C17orf67: variants seen among roughly 807,000 people sequenced by gnomAD.
The protein encoded by C17orf67 is uncharacterized protein C17orf67.
A neutral mutation model predicts 11.2 loss-of-function variants in C17orf67; 12 were observed. That is an observed-to-expected ratio of 1.07 (90% CI 0.68 to 1.73). The LOEUF is 1.73. C17orf67 is among the 40% of genes most tolerant of loss of function. The pLI is 0.00. For synonymous variants in C17orf67, 59 were observed against 46.9 expected (o/e 1.26, Z -1.05); for missense variants, 115 against 113.5 (o/e 1.01, Z -0.06).
chr17:56,796,598 C>G (rs893688467), intron 6 of C17orf67, among the ~76,000 whole-genome samples: 1 of 152,130 alleles, frequency 6.6e-6, no homozygotes, highest in Non-Finnish European at 1.5e-5. Flanking sequence ...CTCAGGAACC[C>G]GCTCCAGAAC....
intron 6 of C17orf67, among the ~76,000 whole-genome samples, chr17:56,810,197 A>T (rs1375047913): frequency 7.0e-6 from 1 of 143,870 alleles, no homozygotes; most frequent in Non-Finnish European, 1.5e-5. Flanking sequence ...CCCTTCACAC[A>T]CACACTCTCA....
At chr17:56,806,701 AT>A (rs1240884632) in intron 6 of C17orf67, among the ~76,000 whole-genome samples, 5 of 152,146 alleles carry the variant, frequency 3.3e-5, no homozygotes, top group Non-Finnish European at 7.3e-5. Context: ...AGGACTGTGA[AT>A]TTTATTCAGA....
chr17:56,809,826 ACT>A (rs1215557781), intron 6 of C17orf67, among the ~76,000 whole-genome samples: 10 of 105,866 alleles, frequency 9.4e-5, no homozygotes, highest in African/African-American at 2.6e-4. Context: ...ACCCTCACAC[ACT>A]CACACACCCC....
At chr17:56,829,560 GC>G (rs1906136775) in intron 2 of C17orf67, among the ~76,000 whole-genome samples, 1 of 152,080 alleles carries the variant, frequency 6.6e-6, no homozygotes, top group African/African-American at 2.4e-5. Flanking sequence ...CTCCACTCAG[GC>G]CTCCAGAGCT....
rs570577698 is a variant in C17orf67 at position 56,810,820 on chromosome 17, G to A, written c.156+4049C>T. Among the ~76,000 whole-genome samples the A allele has an allele frequency of 5.3e-5, 8 of 152,374 alleles. No homozygotes were observed. The South Asian group carries it at 1.2e-3, about 24-fold the overall frequency. On this transcript the variant is annotated intron_variant, in intron 6 of 7. Transcript: ENST00000397861. The stretch of plus-strand genomic sequence containing the variant: ...CCACTGCCTCTTATGCTCCAACTGG[G>A]AGTGCAGGGCCAGGATCATTTTGAC...
At chr17:56,831,564 C>T (rs532390933) in intron 2 of C17orf67, among the ~76,000 whole-genome samples, 2 of 152,230 alleles carry the variant, frequency 1.3e-5, no homozygotes, top group East Asian at 3.9e-4. Context: ...TACTATTACA[C>T]AGAAGTCCAA....
chr17:56,809,037 G>T (rs79072235), intron 6 of C17orf67, among the ~76,000 whole-genome samples: 6,409 of 152,016 alleles, frequency 0.042, 197 homozygotes, highest in Non-Finnish European at 0.062. Context: ...GGGTGAGTGT[G>T]AGGGTATGTG....
intron 2 of C17orf67, among the ~76,000 whole-genome samples, chr17:56,825,963 A>ATGTG (rs1906018971): frequency 6.6e-5 from 10 of 151,432 alleles, no homozygotes; most frequent in Non-Finnish European, 1.2e-4. Flanking sequence ...GTGTGTGTGC[A>ATGTG]CGCGTGTGTG....
At chr17:56,795,013 A>T (rs1172606551) in intron 7 of C17orf67, 31 bp downstream of exon 7, 3 of 1,496,590 alleles carry the variant, frequency 2.0e-6, no homozygotes, top group Non-Finnish European at 1.9e-6. Flanking sequence ...ACTCCCTCAG[A>T]CAGAGGTCCG....
chr17:56,803,007 G>A (rs569077743), intron 6 of C17orf67, among the ~76,000 whole-genome samples: 2 of 152,304 alleles, frequency 1.3e-5, no homozygotes, highest in Admixed American at 6.5e-5. Flanking sequence ...AGCGGTCATC[G>A]TATCCTTCCC....
intron 4 of C17orf67, among the ~76,000 whole-genome samples, chr17:56,817,047 G>A (rs907341783): frequency 6.6e-6 from 1 of 151,978 alleles, no homozygotes; most frequent in African/African-American, 2.4e-5. Context: ...GTAGAGACAG[G>A]GTCTCACTAT....
At chr17:56,793,961 T>C (rs1905162669) in intron 7 of C17orf67, among the ~76,000 whole-genome samples, 1 of 152,190 alleles carries the variant, frequency 6.6e-6, no homozygotes, top group South Asian at 2.1e-4. Context: ...CCTCTCATTA[T>C]CTGTGAAAGC....
chr17:56,820,214 C>T (rs1221716484), intron 4 of C17orf67, among the ~76,000 whole-genome samples: 1 of 152,126 alleles, frequency 6.6e-6, no homozygotes, highest in African/African-American at 2.4e-5. Flanking sequence ...CAAAACATCA[C>T]CAAACTTCTA....
rs974746923 is a variant in C17orf67, at chr17:56,797,418, C to T, written c.157-2238G>A. Among the ~76,000 whole-genome samples the T allele has an allele frequency of 2.0e-5, 3 of 152,074 alleles. No homozygotes were observed. The East Asian group carries it at 5.8e-4, about 29-fold the overall frequency. ...AGGGAACAAACAGCCCATCCTCTCC[C>T]TCCTCTTCCCCTCAATATCCTGCAG... is the stretch of plus-strand genomic sequence containing the variant. On this transcript the variant is annotated intron_variant, in intron 6 of 7. Coordinates refer to ENST00000397861, the MANE Select transcript of C17orf67 (RefSeq NM_001085430.4).
intron 6 of C17orf67, among the ~76,000 whole-genome samples, chr17:56,808,295 G>A (rs1225925672): frequency 2.0e-5 from 3 of 152,172 alleles, no homozygotes; most frequent in African/African-American, 7.2e-5. Context: ...TAACAGCACA[G>A]AGCAGAAAGC....
chr17:56,809,948 CAT>C (rs1322713527), intron 6 of C17orf67, among the ~76,000 whole-genome samples: 4 of 145,546 alleles, frequency 2.7e-5, no homozygotes, highest in African/African-American at 1.0e-4. Flanking sequence ...ACTCCTCACA[CAT>C]ACTCCTCACT....
chr17:56,804,418 T>A (rs1345933693), intron 6 of C17orf67: 1 of 152,220 alleles, frequency 6.6e-6, no homozygotes, highest in African/African-American at 2.4e-5. Context: ...TAATCCTATA[T>A]ATAGAATGGT....
At chr17:56,825,918 A>G (rs1273520032) in intron 2 of C17orf67, among the ~76,000 whole-genome samples, 2 of 151,400 alleles carry the variant, frequency 1.3e-5, no homozygotes, top group Non-Finnish European at 2.9e-5. Flanking sequence ...CAAATACTCT[A>G]TAATGGGGAT....
chr17:56,827,388 T>A (rs1410159417), intron 2 of C17orf67, among the ~76,000 whole-genome samples: 1 of 152,228 alleles, frequency 6.6e-6, no homozygotes, highest in Non-Finnish European at 1.5e-5. Context: ...GTGGAATCCA[T>A]GGTTACTAGG....
Sources: gnomAD v4.1 joint callset for allele counts (sites outside exome capture counted in the v4.1 genomes callset) on GRCh38, gnomAD v4.1.1 for gene constraint, MANE v1.5 for transcripts, NCBI Gene and HGNC (gene_info 2026-07-23, HGNC 2026-07-21) for gene names.